The following RIMBP2 variants were observed in gnomAD, a reference collection of about 807,000 sequenced individuals.
RIMBP2 encodes RIMS binding protein 2.
RIMBP2 carries 48 observed loss-of-function variants against 118.6 expected under a neutral mutation model. That is an observed-to-expected ratio of 0.40 (90% CI 0.32 to 0.51). The LOEUF is 0.51. Among genes scored for constraint, RIMBP2 ranks in the 20% least tolerant of loss-of-function variants. The pLI, the probability that RIMBP2 is intolerant of heterozygous loss-of-function variation, is 0.41. For synonymous variants in RIMBP2, 762 were observed against 742.9 expected (o/e 1.03, Z -0.42); for missense variants, 1,551 against 1,768.3 (o/e 0.88, Z 2.20).
At chr12:130,672,336 A>G (rs1439707787) in intron 1 of RIMBP2, among the ~76,000 whole-genome samples, 1 of 152,250 alleles carries the variant, frequency 6.6e-6, no homozygotes, top group African/African-American at 2.4e-5. Flanking sequence ...ATTTATGGAA[A>G]TAAGAAATCG....
chr12:130,601,227 G>C lies in RIMBP2; in HGVS notation c.-217+27095C>G, dbSNP rs575266456. On this transcript the variant is annotated intron_variant, in intron 2 of 22. Coordinates refer to ENST00000690449, the MANE Select transcript of RIMBP2 (RefSeq NM_001393629.1). Reference sequence around the variant, plus strand: ...AAGATCACAAGCTAAAACTGAGTTAGTCCAGGCCGCCGGAGCTCTCACCTG... The same window carrying C: ...AAGATCACAAGCTAAAACTGAGTTACTCCAGGCCGCCGGAGCTCTCACCTG... Among the ~76,000 whole-genome samples the C allele has an allele frequency of 3.3e-5, 5 of 150,150 alleles. No homozygotes were observed. In the East Asian group the frequency reaches 8.0e-4, roughly 24 times the overall value.
In RIMBP2 at chr12:130,553,945, AT is replaced by A. The variant is rs1434910387; in HGVS notation, c.-216-36029del. 4.6e-5 allele frequency among the ~76,000 whole-genome samples: 7 copies of A among 152,320 alleles called. No individual in the cohort carries two copies. In the East Asian group the frequency reaches 1.4e-3, roughly 29 times the overall value. On this transcript the variant is annotated intron_variant, in intron 2 of 22. Transcript: ENST00000690449. ...AAGGTATTGGAATTAAGGACTCTAG[AT>A]TTATGGGATCACAGTAAAAATTCCA... is the stretch of plus-strand genomic sequence containing the variant.
intron 4 of RIMBP2, among the ~76,000 whole-genome samples, chr12:130,493,412 T>C (rs1194119395): frequency 2.0e-5 from 3 of 152,102 alleles, no homozygotes; most frequent in Non-Finnish European, 4.4e-5. Flanking sequence ...CCTCCTGAGT[T>C]CAAGCAATTC....
chr12:130,510,475 T>G (rs563437871), intron 3 of RIMBP2, among the ~76,000 whole-genome samples: 17 of 152,218 alleles, frequency 1.1e-4, no homozygotes, highest in Middle Eastern at 6.8e-3. Flanking sequence ...CATTTACTCT[T>G]TCTTTTTTTT....
chr12:130,474,195 G>A (rs1293815630), intron 5 of RIMBP2, among the ~76,000 whole-genome samples: 1 of 152,148 alleles, frequency 6.6e-6, no homozygotes, highest in Non-Finnish European at 1.5e-5. Flanking sequence ...GGGCATGTTA[G>A]CCTCAGCCTC....
chr12:130,414,060 C>G, intron 18 of RIMBP2, 65 bp downstream of exon 18: 2 of 1,529,688 alleles, frequency 1.3e-6, no homozygotes, highest in Non-Finnish European at 1.8e-6. Context: ...TTGCCAGTCT[C>G]TGCCCCCATG....
chr12:130,680,292 G>A (rs1028328505), intron 1 of RIMBP2, among the ~76,000 whole-genome samples: 18 of 152,234 alleles, frequency 1.2e-4, no homozygotes, highest in Admixed American at 3.3e-4. Flanking sequence ...ATGAAATGGC[G>A]TTGAGGATGA....
chr12:130,590,741 T>G (rs2059204209), intron 2 of RIMBP2, among the ~76,000 whole-genome samples: 1 of 152,194 alleles, frequency 6.6e-6, no homozygotes, highest in African/African-American at 2.4e-5. Flanking sequence ...CACCTCTCAT[T>G]TGCTGATAGT....
chr12:130,550,387 AT>A (rs2055640344), intron 2 of RIMBP2, among the ~76,000 whole-genome samples: 1 of 152,226 alleles, frequency 6.6e-6, no homozygotes, highest in South Asian at 2.1e-4. Context: ...TTTTATTTGA[AT>A]GGTAAAAATG....
chr12:130,469,709 C>T lies in RIMBP2; in HGVS notation c.153+984G>A, dbSNP rs143526968. On this transcript the variant is annotated intron_variant, in intron 6 of 22. Transcript: ENST00000690449. This position sits in a 1 kb window ranked among gnomAD's most constrained non-coding sequence, Gnocchi z 4.8. ...AAGGCAACGTAAGAGATGCACATAG[C>T]CCGTTTTAAGTGGCTGCTGCTCCCC... Among the ~76,000 whole-genome samples the T allele has an allele frequency of 2.2e-3, 339 of 152,278 alleles. 1 individual carries two copies. Among genetic ancestry groups the T allele is most frequent in the African/African-American group, 8.0e-3 (333 of 41,544 alleles).
chr12:130,421,651 C>A (rs1161552728), intron 17 of RIMBP2, among the ~76,000 whole-genome samples: 2 of 151,206 alleles, frequency 1.3e-5, no homozygotes, highest in Non-Finnish European at 2.9e-5. Context: ...GGTTTCTCCT[C>A]ATCTATTTCT....
intron 1 of RIMBP2, among the ~76,000 whole-genome samples, chr12:130,673,950 A>G (rs1413307289): frequency 3.3e-5 from 1 of 30,422 alleles, no homozygotes; most frequent in African/African-American, 7.7e-5. Flanking sequence ...CTCTTTTAAA[A>G]ATACAAAAAA....
At chr12:130,524,014 C>T (rs906372903) in intron 2 of RIMBP2, among the ~76,000 whole-genome samples, 4 of 152,132 alleles carry the variant, frequency 2.6e-5, no homozygotes, top group African/African-American at 9.7e-5. Flanking sequence ...AATCTCCTGG[C>T]CACACTGGAC....
chr12:130,405,178 AAAC>A (rs2075040965), intron 21 of RIMBP2, among the ~76,000 whole-genome samples: 1 of 152,186 alleles, frequency 6.6e-6, no homozygotes, highest in African/African-American at 2.4e-5. Flanking sequence ...CATCCTTAAT[AAAC>A]AACAAAAATG....
At chr12:130,608,908 G>A (rs11061031) in intron 2 of RIMBP2, among the ~76,000 whole-genome samples, 19,099 of 151,908 alleles carry the variant, frequency 0.13, 1,514 homozygotes, top group Non-Finnish European at 0.19. Context: ...GTAATTACAC[G>A]TCCTTTAACC....
At chr12:130,603,700 T>C (rs1205358649) in intron 2 of RIMBP2, among the ~76,000 whole-genome samples, 2 of 152,182 alleles carry the variant, frequency 1.3e-5, no homozygotes, top group East Asian at 1.9e-4. Context: ...GAAAGCTCGC[T>C]GTAGCCCTAT....
At chr12:130,700,573 G>A (rs1472589971) in intron 1 of RIMBP2, among the ~76,000 whole-genome samples, 2 of 152,204 alleles carry the variant, frequency 1.3e-5, no homozygotes, top group Non-Finnish European at 2.9e-5. Flanking sequence ...GGAGACAGAG[G>A]CAGAGGTGGG....
At chr12:130,651,574 C>T (rs2063234819) in intron 1 of RIMBP2, 1 of 152,246 alleles carries the variant, frequency 6.6e-6, no homozygotes, top group Non-Finnish European at 1.5e-5. Context: ...GGTCCTCAGG[C>T]TAATGGAAAA....
intron 17 of RIMBP2, among the ~76,000 whole-genome samples, chr12:130,418,413 C>A (rs528768367): frequency 2.9e-4 from 44 of 152,314 alleles, no homozygotes; most frequent in African/African-American, 1.1e-3. Flanking sequence ...CACAGCTGTG[C>A]AGCCCCTGCT....
Sources: gnomAD v4.1 joint callset for allele counts (sites outside exome capture counted in the v4.1 genomes callset) on GRCh38, gnomAD v4.1.1 for gene constraint, Gnocchi (gnomAD v3.1) non-coding constraint, MANE v1.5 for transcripts, NCBI Gene and HGNC (gene_info 2026-07-23, HGNC 2026-07-21) for gene names.